Variants in BNC2 observed in about 807,000 individuals in gnomAD.
The protein encoded by BNC2 is basonuclin zinc finger protein 2, also known as zinc finger protein basonuclin-2.
In BNC2, 20 loss-of-function variants were observed where a neutral mutation model predicts 76.3. The observed-to-expected ratio is 0.26, with a 90% CI of 0.18 to 0.38. The LOEUF is 0.38. Among genes scored for constraint, BNC2 ranks in the 10% least tolerant of loss-of-function variants. The probability of loss-of-function intolerance (pLI) is 1.00; values close to 1 mark genes in which losing one functional copy is unlikely to be tolerated. For synonymous variants in BNC2, 582 were observed against 514.8 expected, an observed-to-expected ratio of 1.13 and a Z score of -1.77; for missense variants, 1,382 against 1,399.8, an observed-to-expected ratio of 0.99 and a Z score of 0.20.
intron 5 of BNC2, among the ~76,000 whole-genome samples, chr9:16,440,209 C>G (rs1821097667): frequency 6.6e-6 from 1 of 152,154 alleles, no homozygotes; most frequent in Non-Finnish European, 1.5e-5. Flanking sequence ...TGTCAAGATA[C>G]TAATTGAAGG....
At chr9:16,433,980 C>A (rs1439454012) in intron 6 of BNC2, among the ~76,000 whole-genome samples, 1 of 151,946 alleles carries the variant, frequency 6.6e-6, no homozygotes, top group Non-Finnish European at 1.5e-5. Context: ...AGGTTGGGTA[C>A]AGTATTTTAT....
intron 3 of BNC2, among the ~76,000 whole-genome samples, chr9:16,620,328 TGTA>T (rs1437043231): frequency 5.3e-5 from 8 of 152,176 alleles, no homozygotes; most frequent in Non-Finnish European, 8.8e-5. Flanking sequence ...TAAATACCAC[TGTA>T]TTAAACTCTC....
At chr9:16,528,964 T>C (rs1817895515) in intron 5 of BNC2, among the ~76,000 whole-genome samples, 2 of 152,154 alleles carry the variant, frequency 1.3e-5, no homozygotes, top group Admixed American at 6.5e-5. Context: ...GAGGTGTGAG[T>C]AGGGCTGTGT....
At chr9:16,859,000 C>G (rs1819331434) in intron 1 of BNC2, among the ~76,000 whole-genome samples, 1 of 151,666 alleles carries the variant, frequency 6.6e-6, no homozygotes, top group African/African-American at 2.4e-5. Context: ...TCTTAAAACT[C>G]AACAACAACA....
chr9:16,810,516 G>C (rs1260705002), intron 1 of BNC2, among the ~76,000 whole-genome samples: 1 of 152,210 alleles, frequency 6.6e-6, no homozygotes, highest in Non-Finnish European at 1.5e-5. Context: ...TGCAGGCCAG[G>C]AGTTAAGCAG....
At chr9:16,569,003 GTT>G (rs373012680) in intron 4 of BNC2, among the ~76,000 whole-genome samples, 9 of 135,676 alleles carry the variant, frequency 6.6e-5, no homozygotes, top group Admixed American at 3.0e-4. Flanking sequence ...TGCTTCTAGA[GTT>G]TTTTTTTTTT....
At chr9:16,452,319 A>G (rs188372195) in intron 5 of BNC2, among the ~76,000 whole-genome samples, 282 of 152,316 alleles carry the variant, frequency 1.9e-3, no homozygotes, top group Middle Eastern at 6.8e-3. Context: ...AAACTGCAAC[A>G]CTGTCTCTCA....
At chr9:16,753,898 A>T (rs1264257279) in intron 1 of BNC2, among the ~76,000 whole-genome samples, 2 of 152,164 alleles carry the variant, frequency 1.3e-5, no homozygotes, top group East Asian at 3.9e-4. Flanking sequence ...ACTTGAAGTG[A>T]ATCACACTGA....
chr9:16,855,539 T>C (rs372840879), intron 1 of BNC2, among the ~76,000 whole-genome samples: 2 of 152,316 alleles, frequency 1.3e-5, no homozygotes, highest in South Asian at 4.1e-4. Flanking sequence ...TTTAAAAGCA[T>C]CTTTTTTTTG....
intron 5 of BNC2, among the ~76,000 whole-genome samples, chr9:16,450,374 C>T (rs1397299439): frequency 6.6e-6 from 1 of 152,158 alleles, no homozygotes; most frequent in Non-Finnish European, 1.5e-5. Context: ...TGCAGATTAT[C>T]AGGTAAATAA....
chr9:16,540,631 A>G (rs989751910), intron 5 of BNC2, among the ~76,000 whole-genome samples: 1 of 152,220 alleles, frequency 6.6e-6, no homozygotes, highest in Admixed American at 6.5e-5. Context: ...GGCCTTGCTT[A>G]ATTAAAATGT....
chr9:16,868,010 G>A (rs1215163161), intron 1 of BNC2: 6 of 152,162 alleles, frequency 3.9e-5, no homozygotes, highest in Non-Finnish European at 8.8e-5. Flanking sequence ...CTGGGCCCAA[G>A]TGAATCATAT....
In BNC2 at chr9:16,465,373, T is replaced by A. The variant is rs530592219; in HGVS notation, c.670-27849A>T. 5.1e-4 allele frequency among the ~76,000 whole-genome samples: 73 copies of A among 142,466 alleles called. 1 individual carries two copies. In the South Asian group the frequency reaches 0.016, roughly 31 times the overall value. 93.5% of individuals were successfully genotyped at this position (142,466 alleles called of 152,430 possible). ...ATCGCTTGAACCCAAAAGGCAGAGG[T>A]TGCAATGAGCTGAGATTGTGCAACT... On this transcript the variant is annotated intron_variant, in intron 5 of 6. Transcript: ENST00000380672.
At chr9:16,553,726 T>C (rs541483740) in intron 4 of BNC2, among the ~76,000 whole-genome samples, 2 of 152,322 alleles carry the variant, frequency 1.3e-5, no homozygotes, top group East Asian at 1.9e-4. Context: ...ATCTCTTCTC[T>C]AGAACTAAAG....
intron 1 of BNC2, among the ~76,000 whole-genome samples, chr9:16,863,821 T>C (rs1214986156): frequency 1.3e-5 from 2 of 152,230 alleles, no homozygotes; most frequent in East Asian, 1.9e-4. Flanking sequence ...TGAAAAGTTA[T>C]TGGAGAACCC....
chr9:16,715,894 C>A (rs1052043476), intron 3 of BNC2, among the ~76,000 whole-genome samples: 1 of 152,156 alleles, frequency 6.6e-6, no homozygotes, highest in Non-Finnish European at 1.5e-5. Flanking sequence ...TTTAAAAATA[C>A]ATATTTCACA....
intron 1 of BNC2, among the ~76,000 whole-genome samples, chr9:16,767,965 AT>A (rs764469661): frequency 0.011 from 1,518 of 138,676 alleles, 10 homozygotes; most frequent in Middle Eastern, 0.023. Flanking sequence ...AGGTTATGCA[AT>A]TTTTTTTTTT....
chr9:16,826,122 T>C (rs1457404715), intron 1 of BNC2, among the ~76,000 whole-genome samples: 1 of 152,106 alleles, frequency 6.6e-6, no homozygotes, highest in Non-Finnish European at 1.5e-5. Context: ...AGCTGGATCT[T>C]ACTTACCACC....
intron 3 of BNC2, among the ~76,000 whole-genome samples, chr9:16,589,342 C>G (rs182979392): frequency 3.3e-5 from 5 of 152,054 alleles, no homozygotes; most frequent in African/African-American, 1.2e-4. Flanking sequence ...CACACCACCA[C>G]TTCTGGCTAA....
Sources: allele counts gnomAD v4.1 joint callset (sites outside exome capture counted in the v4.1 genomes callset), GRCh38; gene constraint gnomAD v4.1.1; transcripts MANE v1.5; gene names NCBI Gene and HGNC (gene_info 2026-07-23, HGNC 2026-07-21).